TOMM20L: variants seen among roughly 807,000 people sequenced by gnomAD.
The protein encoded by TOMM20L is translocase of outer mitochondrial membrane 20 like.
A neutral mutation model predicts 20.4 loss-of-function variants in TOMM20L; 19 were observed. That is an observed-to-expected ratio of 0.93 (90% CI 0.65 to 1.36). The LOEUF is 1.36. Ranked by LOEUF, TOMM20L falls within the 40% of genes most tolerant of loss-of-function variation. The probability of loss-of-function intolerance (pLI) is 0.00; values close to 1 mark genes in which losing one functional copy is unlikely to be tolerated. For synonymous variants in TOMM20L, 75 were observed against 79.6 expected (o/e 0.94, Z 0.30); for missense variants, 218 against 203.7 (o/e 1.07, Z -0.43).
chr14:58,409,268 T>G, downstream of TOMM20L: 1 of 1,323,854 alleles, frequency 7.6e-7, no homozygotes, highest in African/African-American at 1.5e-5. Context: ...TGCTTTTCTT[T>G]GAATATATCT....
At chr14:58,416,110 C>A in the TOMM20L span, among the ~76,000 whole-genome samples, 1 of 151,680 alleles carries the variant, frequency 6.6e-6, no homozygotes, top group Non-Finnish European at 1.5e-5. Context: ...CACCTGTAAT[C>A]CCAGCTACTC....
intron 3 of TOMM20L, 132 bp downstream of exon 3, chr14:58,402,893 A>T (rs1376437966): frequency 1.5e-6 from 1 of 671,164 alleles, no homozygotes; most frequent in East Asian, 2.6e-5. Flanking sequence ...AAACTATCCC[A>T]GCATGTTCAC....
At chr14:58,400,366 G>A (rs921877015) in intron 2 of TOMM20L, among the ~76,000 whole-genome samples, 1 of 147,814 alleles carries the variant, frequency 6.8e-6, no homozygotes, top group African/African-American at 2.5e-5. Context: ...AAGTTGCAGT[G>A]AGCCAAGATC....
downstream of TOMM20L, among the ~76,000 whole-genome samples, chr14:58,412,530 C>G (rs1445975614): frequency 1.3e-5 from 2 of 152,122 alleles, no homozygotes; most frequent in Non-Finnish European, 2.9e-5. Flanking sequence ...TGCTACCTTG[C>G]TAAGCTGCTT....
At chr14:58,405,363 G>A (rs906322325) in intron 3 of TOMM20L, among the ~76,000 whole-genome samples, 1 of 152,090 alleles carries the variant, frequency 6.6e-6, no homozygotes. Flanking sequence ...TAAGTCAGAA[G>A]AAAAAAGATG....
chr14:58,414,489 G>A, the TOMM20L span, among the ~76,000 whole-genome samples: 1 of 151,988 alleles, frequency 6.6e-6, no homozygotes, highest in African/African-American at 2.4e-5. Context: ...TGTAATCCCA[G>A]CACTTTGGGA....
chr14:58,397,268 G>GTA (rs917858453), intron 2 of TOMM20L, among the ~76,000 whole-genome samples: 10 of 152,198 alleles, frequency 6.6e-5, no homozygotes, highest in East Asian at 1.9e-4. Context: ...ATGTATGTGT[G>GTA]TATATATATG....
intron 4 of TOMM20L, among the ~76,000 whole-genome samples, chr14:58,407,900 A>G (rs113067579): frequency 0.023 from 3,567 of 152,328 alleles, 64 homozygotes; most frequent in Admixed American, 0.035. Context: ...TGCATCAACT[A>G]GAATTTCCTG....
At chr14:58,404,896 T>C (rs2036038154) in intron 3 of TOMM20L, among the ~76,000 whole-genome samples, 1 of 152,104 alleles carries the variant, frequency 6.6e-6, no homozygotes, top group African/African-American at 2.4e-5. Flanking sequence ...TAAACAGAAG[T>C]GACTTTACAT....
chr14:58,411,916 C>A, downstream of TOMM20L: 1 of 1,613,886 alleles, frequency 6.2e-7, no homozygotes, highest in Non-Finnish European at 8.5e-7. Context: ...CCTGTTTTAT[C>A]TGATCAGATT....
downstream of TOMM20L, among the ~76,000 whole-genome samples, chr14:58,412,413 T>C (rs1681634589): frequency 6.6e-6 from 1 of 152,256 alleles, no homozygotes; most frequent in Non-Finnish European, 1.5e-5. Flanking sequence ...GTGCTGGGAT[T>C]ACAGGCGTTA....
the TOMM20L span, among the ~76,000 whole-genome samples, chr14:58,415,317 A>T: frequency 6.6e-6 from 1 of 152,200 alleles, no homozygotes; most frequent in Non-Finnish European, 1.5e-5. Context: ...ACAATATATT[A>T]AAAAATCACT....
intron 2 of TOMM20L, among the ~76,000 whole-genome samples, chr14:58,401,739 C>G (rs1037480240): frequency 6.6e-6 from 1 of 152,110 alleles, no homozygotes; most frequent in Non-Finnish European, 1.5e-5. Context: ...CTTGAAAGAC[C>G]AACCCTAGGT....
At chr14:58,414,679 G>C in the TOMM20L span, among the ~76,000 whole-genome samples, 2 of 148,584 alleles carry the variant, frequency 1.3e-5, no homozygotes, top group Non-Finnish European at 3.0e-5. Flanking sequence ...GGAGGTTGCA[G>C]TGAGCCGAGA....
At position 58,406,516 on chromosome 14, in the gene TOMM20L, T is replaced by A. The variant is rs2036059482; in HGVS notation, c.263-810T>A. On this transcript the variant is annotated intron_variant, in intron 3 of 4. Coordinates refer to ENST00000360945, the MANE Select transcript of TOMM20L (RefSeq NM_207377.3). ...ATTTTCTACCTAGTTATATGAAGTA[T>A]GTCAATATTTCAACTCCTGTGATTA... Among the ~76,000 whole-genome samples, 4 of 152,226 alleles carry A rather than the reference T, an allele frequency of 2.6e-5. No individual in the cohort carries two copies. The South Asian group carries it at 8.3e-4, about 31-fold the overall frequency.
At chr14:58,410,792 T>C (rs1566746445), downstream of TOMM20L, 1 of 1,266,724 alleles carries the variant, frequency 7.9e-7, no homozygotes, top group South Asian at 1.3e-5. Flanking sequence ...GGATCCTACT[T>C]AGAGTGTTTA....
chr14:58,409,119 CTT>C (rs767921599), downstream of TOMM20L: 2 of 1,613,560 alleles, frequency 1.2e-6, no homozygotes, highest in South Asian at 1.1e-5. Flanking sequence ...CATGGATATT[CTT>C]TGTGTCATTT....
At chr14:58,414,394 C>G in the TOMM20L span, among the ~76,000 whole-genome samples, 1 of 152,218 alleles carries the variant, frequency 6.6e-6, no homozygotes, top group East Asian at 1.9e-4. Context: ...TTCCATTCCA[C>G]CAGTCTCAAC....
downstream of TOMM20L, among the ~76,000 whole-genome samples, chr14:58,410,666 T>G (rs2036185735): frequency 6.6e-6 from 1 of 152,258 alleles, no homozygotes; most frequent in Non-Finnish European, 1.5e-5. Context: ...TCATTAAATT[T>G]GGCACTGTTA....
Sources: gnomAD v4.1 joint callset for allele counts (sites outside exome capture counted in the v4.1 genomes callset) on GRCh38, gnomAD v4.1.1 for gene constraint, MANE v1.5 for transcripts, NCBI Gene and HGNC (gene_info 2026-07-23, HGNC 2026-07-21) for gene names.